Variants in CPQ observed in about 807,000 individuals in gnomAD.
CPQ encodes Ser-Met dipeptidase.
CPQ carries 37 observed loss-of-function variants against 45.7 expected under a neutral mutation model. The observed-to-expected ratio is 0.81, with a 90% CI of 0.62 to 1.07. The LOEUF (loss-of-function observed/expected upper bound fraction) is 1.07, where lower values mean the gene tolerates loss of function less well. Among genes scored for constraint, CPQ ranks in the 50% least tolerant of loss-of-function variants. CPQ has a pLI of 0.00. For missense variants in CPQ, 537 were observed against 572.9 expected (o/e 0.94, Z 0.64); for synonymous variants, 186 against 205.8 (o/e 0.90, Z 0.82).
intron 4 of CPQ, among the ~76,000 whole-genome samples, chr8:96,919,163 G>A (rs916562416): frequency 6.6e-6 from 1 of 151,948 alleles, no homozygotes; most frequent in African/African-American, 2.4e-5. Flanking sequence ...TGTGAGAGGT[G>A]ATTGTGGAAA....
intron 7 of CPQ, among the ~76,000 whole-genome samples, chr8:97,131,291 C>A (rs1811951033): frequency 1.3e-5 from 2 of 152,140 alleles, no homozygotes; most frequent in Admixed American, 1.3e-4. Flanking sequence ...GACACATAAG[C>A]AAATATGGAA....
At chr8:96,680,555 C>G (rs1047086501) in intron 1 of CPQ, 2 of 152,190 alleles carry the variant, frequency 1.3e-5, no homozygotes, top group African/African-American at 4.8e-5. Flanking sequence ...ACTGTAAGTC[C>G]ATTAAACCTC....
At chr8:96,856,628 G>A (rs983934768) in intron 3 of CPQ, among the ~76,000 whole-genome samples, 2 of 152,156 alleles carry the variant, frequency 1.3e-5, no homozygotes, top group African/African-American at 4.8e-5. Context: ...TGAGTACTTA[G>A]TATGGACCAG....
chr8:96,708,341 A>G (rs6999486), intron 1 of CPQ, among the ~76,000 whole-genome samples: 2 of 151,802 alleles, frequency 1.3e-5, no homozygotes, highest in South Asian at 4.2e-4. Context: ...AAGACTGGAT[A>G]TTTTTGTGTG....
chr8:96,667,036 T>A (rs1808933780), intron 1 of CPQ, among the ~76,000 whole-genome samples: 1 of 152,166 alleles, frequency 6.6e-6, no homozygotes, highest in African/African-American at 2.4e-5. Context: ...CTCTCTTTTT[T>A]AATACGGCTT....
intron 1 of CPQ, among the ~76,000 whole-genome samples, chr8:96,735,987 T>A (rs1342442742): frequency 3.3e-5 from 5 of 152,154 alleles, no homozygotes; most frequent in African/African-American, 1.2e-4. Context: ...CACACCGAGA[T>A]ACTGAGCTGA....
chr8:96,916,537 TAC>T (rs1433408865), intron 4 of CPQ, among the ~76,000 whole-genome samples: 2 of 152,168 alleles, frequency 1.3e-5, no homozygotes, highest in African/African-American at 4.8e-5. Flanking sequence ...TGTAAAATAG[TAC>T]AGAGTTTCCA....
intron 1 of CPQ, among the ~76,000 whole-genome samples, chr8:96,754,825 A>G (rs1321162102): frequency 6.6e-6 from 1 of 151,954 alleles, no homozygotes; most frequent in East Asian, 1.9e-4. Context: ...GTAAATGGTA[A>G]ATGTTTTATT....
chr8:96,691,870 T>A lies in CPQ; in HGVS notation c.-35+46468T>A, dbSNP rs568892476. 4.6e-5 allele frequency among the ~76,000 whole-genome samples: 7 copies of A among 152,308 alleles called. No individual in the cohort carries two copies. The South Asian group carries it at 1.0e-3, about 23-fold the overall frequency. On this transcript the variant is annotated intron_variant, in intron 1 of 7. Transcript: ENST00000220763. ...CCATGTAAAATGCTGTTCTGTGCAC[T>A]CTGACCCTTCCTTATTACTCCAAAA... is the stretch of plus-strand genomic sequence containing the variant.
At chr8:96,878,610 G>A (rs2130879945) in intron 3 of CPQ, among the ~76,000 whole-genome samples, 1 of 152,276 alleles carries the variant, frequency 6.6e-6, no homozygotes, top group South Asian at 2.1e-4. Flanking sequence ...CTACATTGCA[G>A]TTTCTCTAAG....
intron 6 of CPQ, among the ~76,000 whole-genome samples, chr8:97,051,750 T>G (rs1810368011): frequency 6.6e-6 from 1 of 152,204 alleles, no homozygotes; most frequent in Non-Finnish European, 1.5e-5. Context: ...TCAGAGTAAT[T>G]AAGTAACTTG....
chr8:96,908,462 G>T (rs1396661837), intron 4 of CPQ, among the ~76,000 whole-genome samples: 1 of 152,058 alleles, frequency 6.6e-6, no homozygotes, highest in Non-Finnish European at 1.5e-5. Context: ...GCTTGGACAG[G>T]TTCATGGATT....
intron 5 of CPQ, among the ~76,000 whole-genome samples, chr8:97,026,694 G>T (rs908513311): frequency 6.6e-6 from 1 of 152,176 alleles, no homozygotes; most frequent in Non-Finnish European, 1.5e-5. Context: ...GCTTGAGCAG[G>T]CTTGTTAGTC....
At position 96,749,573 on chromosome 8, in the gene CPQ, C is replaced by T. The variant is rs149451969; in HGVS notation, c.-34-35291C>T. Among the ~76,000 whole-genome samples the T allele has an allele frequency of 3.4e-3, 513 of 152,150 alleles. 7 individuals carry two copies. Among genetic ancestry groups the T allele is most frequent in the African/African-American group, 0.012 (484 of 41,498 alleles). ...GCTGGATATTAGAGAGGGAAGTAGCCGAGAGCTTGGAAGGGGAGCTTTTCT... is the reference window on the plus strand; with the variant it reads ...GCTGGATATTAGAGAGGGAAGTAGCTGAGAGCTTGGAAGGGGAGCTTTTCT... On this transcript the variant is annotated intron_variant, in intron 1 of 7. Coordinates refer to ENST00000220763, the MANE Select transcript of CPQ (RefSeq NM_016134.4).
chr8:97,118,814 A>G (rs1811642494), intron 7 of CPQ, among the ~76,000 whole-genome samples: 1 of 152,186 alleles, frequency 6.6e-6, no homozygotes, highest in Admixed American at 6.5e-5. Context: ...TATATATAGC[A>G]TATATACACA....
At chr8:96,883,924 A>G (rs1812265467) in intron 4 of CPQ, among the ~76,000 whole-genome samples, 1 of 152,098 alleles carries the variant, frequency 6.6e-6, no homozygotes, top group Non-Finnish European at 1.5e-5. Flanking sequence ...GCTTCTCAAC[A>G]CATGTTTTAT....
chr8:96,748,649 CTCTT>C (rs1185341795), intron 1 of CPQ, among the ~76,000 whole-genome samples: 1 of 151,960 alleles, frequency 6.6e-6, no homozygotes, highest in Non-Finnish European at 1.5e-5. Context: ...TGTTTGCTAC[CTCTT>C]TCTGTTAGAA....
In CPQ at chr8:96,903,883, C is replaced by G. The variant is rs1028206418; in HGVS notation, c.849+23878C>G. 2.0e-5 allele frequency among the ~76,000 whole-genome samples: 3 copies of G among 152,158 alleles called. No homozygotes were observed. In the South Asian group the frequency reaches 6.2e-4, roughly 32 times the overall value. ...TTATTCATTTTGTTCTTATTTGCTCCGAAAGCAACTTCTGGTGGAGCCAGC... is the reference window on the plus strand; with the variant it reads ...TTATTCATTTTGTTCTTATTTGCTCGGAAAGCAACTTCTGGTGGAGCCAGC... On this transcript the variant is annotated intron_variant, in intron 4 of 7. Coordinates refer to ENST00000220763, the MANE Select transcript of CPQ (RefSeq NM_016134.4).
At chr8:96,824,662 G>A (rs1403355334) in intron 2 of CPQ, among the ~76,000 whole-genome samples, 5 of 151,960 alleles carry the variant, frequency 3.3e-5, no homozygotes, top group African/African-American at 9.7e-5. Context: ...ATCAAGCTAC[G>A]AGCTCCTATA....
Sources: allele counts gnomAD v4.1 joint callset (sites outside exome capture counted in the v4.1 genomes callset), GRCh38; gene constraint gnomAD v4.1.1; transcripts MANE v1.5; gene names NCBI Gene and HGNC (gene_info 2026-07-23, HGNC 2026-07-21).